Variants in CNTN5 observed in about 807,000 individuals in gnomAD.
CNTN5 encodes contactin 5, also known as contactin-5.
CNTN5 carries 77 observed loss-of-function variants against 129.1 expected under a neutral mutation model. The observed-to-expected ratio is 0.60, with a 90% confidence interval of 0.50 to 0.72. CNTN5 has a LOEUF of 0.72. Among genes scored for constraint, CNTN5 ranks in the 30% least tolerant of loss-of-function variants. The pLI, the probability that CNTN5 is intolerant of heterozygous loss-of-function variation, is 0.00. For missense variants in CNTN5, 1,478 were observed against 1,328.8 expected, an observed-to-expected ratio of 1.11 and a Z score of -1.75; for synonymous variants, 509 against 465.6, an observed-to-expected ratio of 1.09 and a Z score of -1.20.
At chr11:100,166,410 G>A (rs1380615360) in intron 13 of CNTN5, among the ~76,000 whole-genome samples, 1 of 151,584 alleles carries the variant, frequency 6.6e-6, no homozygotes, top group Non-Finnish European at 1.5e-5. Context: ...CCTCTAAAAG[G>A]CCCTTTGTGT....
intron 8 of CNTN5, among the ~76,000 whole-genome samples, chr11:99,964,303 T>C (rs890316439): frequency 1.3e-5 from 2 of 152,150 alleles, no homozygotes; most frequent in African/African-American, 2.4e-5. Context: ...GGGTTTGTCA[T>C]AGATAGCTTT....
At chr11:99,288,608 TGTA>T (rs1864041106) in intron 1 of CNTN5, among the ~76,000 whole-genome samples, 1 of 151,876 alleles carries the variant, frequency 6.6e-6, no homozygotes, top group Non-Finnish European at 1.5e-5. Flanking sequence ...ACAGCTTTAA[TGTA>T]GTTCTGTTTT....
rs183509330 is a variant in CNTN5, at chr11:99,909,685, A to G, written c.578-6369A>G. Among the ~76,000 whole-genome samples the G allele has an allele frequency of 6.1e-4, 93 of 152,254 alleles. 1 individual carries two copies. In the East Asian group the frequency reaches 8.7e-3, roughly 14 times the overall value. ...AAGGACATGGATGAAGCTGGAAGCCATCATTCTCAGCAAACTATCACAAGG... is the reference window on the plus strand; with the variant it reads ...AAGGACATGGATGAAGCTGGAAGCCGTCATTCTCAGCAAACTATCACAAGG... On this transcript the variant is annotated intron_variant, in intron 6 of 24. Transcript: ENST00000524871.
At chr11:99,501,610 T>G (rs762166850) in intron 2 of CNTN5, among the ~76,000 whole-genome samples, 1 of 152,126 alleles carries the variant, frequency 6.6e-6, no homozygotes, top group African/African-American at 2.4e-5. Flanking sequence ...ACAAAAAAAG[T>G]TTTGAATTTT....
chr11:99,880,412 T>A (rs186778409), intron 6 of CNTN5, among the ~76,000 whole-genome samples: 1 of 152,230 alleles, frequency 6.6e-6, no homozygotes, highest in East Asian at 1.9e-4. Context: ...TGAAAGAGAA[T>A]AACTGTTTCT....
chr11:99,454,857 C>T (rs1944439486), intron 2 of CNTN5, among the ~76,000 whole-genome samples: 1 of 151,850 alleles, frequency 6.6e-6, no homozygotes, highest in African/African-American at 2.4e-5. Context: ...GTATAAATCA[C>T]AGTCTATCTG....
chr11:99,238,819 T>G (rs990806535), intron 1 of CNTN5, among the ~76,000 whole-genome samples: 2 of 152,148 alleles, frequency 1.3e-5, no homozygotes, highest in African/African-American at 2.4e-5. Context: ...TTACAATGAT[T>G]AAACCAGTTG....
chr11:99,970,491 C>G (rs1366134603), intron 8 of CNTN5, among the ~76,000 whole-genome samples: 1 of 152,098 alleles, frequency 6.6e-6, no homozygotes, highest in African/African-American at 2.4e-5. Flanking sequence ...GTTTATGTCT[C>G]AATAATGAAC....
intron 1 of CNTN5, among the ~76,000 whole-genome samples, chr11:99,158,682 G>T (rs1000824563): frequency 6.6e-6 from 1 of 152,026 alleles, no homozygotes; most frequent in Non-Finnish European, 1.5e-5. Context: ...CTAGGAATAT[G>T]ATTTTATAAA....
chr11:100,324,079 T>G (rs1443563669), intron 21 of CNTN5, among the ~76,000 whole-genome samples: 2 of 152,276 alleles, frequency 1.3e-5, no homozygotes, highest in South Asian at 2.1e-4. Context: ...AGGAAGAAGC[T>G]TAGGAAAACG....
chr11:100,250,850 G>A (rs1274599124), intron 16 of CNTN5, among the ~76,000 whole-genome samples: 3 of 152,068 alleles, frequency 2.0e-5, no homozygotes, highest in African/African-American at 7.2e-5. Flanking sequence ...AATACTCAGA[G>A]AGGCAAATTA....
intron 1 of CNTN5, among the ~76,000 whole-genome samples, chr11:99,153,672 G>T (rs114960506): frequency 2.5e-3 from 373 of 152,142 alleles, no homozygotes; most frequent in African/African-American, 8.6e-3. Flanking sequence ...AAGAACCATT[G>T]CTATTTCTGG....
chr11:100,145,694 G>A (rs147708548), intron 13 of CNTN5, among the ~76,000 whole-genome samples: 2 of 152,066 alleles, frequency 1.3e-5, no homozygotes, highest in Non-Finnish European at 2.9e-5. Context: ...TTATTGACTT[G>A]CTTTTGGCTA....
intron 3 of CNTN5, among the ~76,000 whole-genome samples, chr11:99,798,910 T>C: frequency 6.6e-6 from 1 of 152,186 alleles, no homozygotes; most frequent in African/African-American, 2.4e-5. Flanking sequence ...GGAATGTTTT[T>C]CCATTTGTTT....
intron 13 of CNTN5, among the ~76,000 whole-genome samples, chr11:100,139,720 C>T (rs148977780): frequency 1.9e-3 from 295 of 152,050 alleles, no homozygotes; most frequent in Admixed American, 7.7e-3. Flanking sequence ...AAAAATTAGC[C>T]GGGTGTGATG....
At chr11:99,156,247 CAAAT>C (rs1282989751) in intron 1 of CNTN5, among the ~76,000 whole-genome samples, 1 of 151,732 alleles carries the variant, frequency 6.6e-6, no homozygotes, top group African/African-American at 2.4e-5. Context: ...GCAAGAGAAA[CAAAT>C]AAGAAATTTG....
intron 18 of CNTN5, among the ~76,000 whole-genome samples, chr11:100,282,902 G>T (rs557438743): frequency 6.6e-6 from 1 of 151,600 alleles, no homozygotes; most frequent in African/African-American, 2.4e-5. Context: ...CCAGTCTACT[G>T]CCAGTGTTCC....
At position 99,255,407 on chromosome 11, in the gene CNTN5, A is replaced by T. The variant is rs145002287; in HGVS notation, c.-209-69939A>T. Among the ~76,000 whole-genome samples, 37 of 151,826 alleles carry T rather than the reference A, an allele frequency of 2.4e-4. No homozygotes were observed. In the East Asian group the frequency reaches 2.7e-3, roughly 11 times the overall value. On this transcript the variant is annotated intron_variant, in intron 1 of 24. Transcript: ENST00000524871. ...GTATTTGGAATAAATATATTTTATG[A>T]CATACAAAGTGAAGAAAGCTTTTAC...
Position 99,100,103 on chromosome 11 carries a change from G to A in CNTN5, c.-210+78833G>A, listed in dbSNP as rs570140962. On this transcript the variant is annotated intron_variant, in intron 1 of 24. Transcript: ENST00000524871. The stretch of plus-strand genomic sequence containing the variant: ...TGGGAAAAAAATTTTATAAAGTAAT[G>A]ACCCAAAAAACAATCAACGCTTCTT... Among the ~76,000 whole-genome samples, 203 of 152,090 alleles carry A rather than the reference G, an allele frequency of 1.3e-3. 1 individual carries two copies. The highest frequency in any genetic ancestry group is 4.7e-3 in the African/African-American group (195 of 41,528).
Sources: allele counts gnomAD v4.1 joint callset (sites outside exome capture counted in the v4.1 genomes callset), GRCh38; gene constraint gnomAD v4.1.1; transcripts MANE v1.5; gene names NCBI Gene and HGNC (gene_info 2026-07-23, HGNC 2026-07-21).